Variants in LRRC37A2 observed in about 807,000 individuals in gnomAD.
The protein encoded by LRRC37A2 is leucine rich repeat containing 37 member A2.
In LRRC37A2, 9 loss-of-function variants were observed where a neutral mutation model predicts 68.8. The observed-to-expected ratio is 0.13, with a 90% CI of 0.08 to 0.23. LRRC37A2 has a LOEUF of 0.23. Among genes scored for constraint, LRRC37A2 ranks in the 10% least tolerant of loss-of-function variants. The probability of loss-of-function intolerance (pLI) is 1.00; values close to 1 mark genes in which losing one functional copy is unlikely to be tolerated. For synonymous variants in LRRC37A2, 63 were observed against 367.6 expected (o/e 0.17, Z 9.48); for missense variants, 168 against 950.4 (o/e 0.18, Z 10.82).
At chr17:47,026,559 TATG>T in the LRRC37A2 span, among the ~76,000 whole-genome samples, 1 of 152,140 alleles carries the variant, frequency 6.6e-6, no homozygotes, top group Non-Finnish European at 1.5e-5. Context: ...GGAGAGTTTA[TATG>T]ATGACTGTGT....
At chr17:46,999,095 C>T in the LRRC37A2 span, among the ~76,000 whole-genome samples, 3 of 152,192 alleles carry the variant, frequency 2.0e-5, no homozygotes, top group Non-Finnish European at 1.5e-5. Flanking sequence ...GCTACCAACA[C>T]CAACGAGTTC....
chr17:46,895,016 G>A, the LRRC37A2 span, among the ~76,000 whole-genome samples: 2 of 152,216 alleles, frequency 1.3e-5, no homozygotes, highest in African/African-American at 2.4e-5. Context: ...CTGGAGAGCC[G>A]GCCGGATCTC....
chr17:46,829,697 C>T, the LRRC37A2 span, among the ~76,000 whole-genome samples: 1 of 151,798 alleles, frequency 6.6e-6, no homozygotes, highest in Non-Finnish European at 1.5e-5. Context: ...CTCACTCTTT[C>T]ACCTGAGGGG....
At chr17:46,781,782 T>C in the LRRC37A2 span, among the ~76,000 whole-genome samples, 127,635 of 151,740 alleles carry the variant, frequency 0.84, 53,984 homozygotes, top group East Asian at 1. Context: ...CAACTTCGCA[T>C]CTAGAGCCCC....
At chr17:46,529,202 A>G (rs1388838587) in intron 6 of LRRC37A2, among the ~76,000 whole-genome samples, 1 of 131,946 alleles carries the variant, frequency 7.6e-6, no homozygotes, top group Admixed American at 8.0e-5. Context: ...GAGGGAAAAA[A>G]AAGAACAAGC....
At chr17:46,865,302 G>A in the LRRC37A2 span, among the ~76,000 whole-genome samples, 2 of 152,232 alleles carry the variant, frequency 1.3e-5, no homozygotes, top group African/African-American at 4.8e-5. Flanking sequence ...TCTCCCTGAT[G>A]CCATCCCCTG....
the LRRC37A2 span, among the ~76,000 whole-genome samples, chr17:46,765,790 C>G: frequency 6.6e-6 from 1 of 152,234 alleles, no homozygotes; most frequent in Non-Finnish European, 1.5e-5. Context: ...CTGGGCCAGG[C>G]CCTTCATGTG....
the LRRC37A2 span, among the ~76,000 whole-genome samples, chr17:46,784,365 G>A: frequency 3.3e-5 from 5 of 152,200 alleles, no homozygotes; most frequent in African/African-American, 1.2e-4. Flanking sequence ...ACAGAGCTGG[G>A]CCCAAGAGAG....
chr17:46,625,879 TAAAAAAAAAAA>T, the LRRC37A2 span, among the ~76,000 whole-genome samples: 8 of 59,034 alleles, frequency 1.4e-4, no homozygotes, highest in African/African-American at 5.2e-4. Context: ...CCACATGTAT[TAAAAAAAAAAA>T]AAAAAAAAAA....
At chr17:46,382,534 A>ATG in the LRRC37A2 span, among the ~76,000 whole-genome samples, 1 of 43,766 alleles carries the variant, frequency 2.3e-5, no homozygotes, top group African/African-American at 8.2e-5. Flanking sequence ...GGCTAATTAA[A>ATG]AAAAAGTTTT....
At chr17:46,947,083 G>A in the LRRC37A2 span, among the ~76,000 whole-genome samples, 1 of 152,146 alleles carries the variant, frequency 6.6e-6, no homozygotes, top group Non-Finnish European at 1.5e-5. Context: ...GAAAGAGTAG[G>A]GACGTATTAG....
At chr17:46,722,034 T>C in the LRRC37A2 span, 1 of 1,608,260 alleles carries the variant, frequency 6.2e-7, no homozygotes, top group Non-Finnish European at 8.5e-7. Flanking sequence ...GCTGCCGTAA[T>C]ATTCAGCTCC....
At chr17:46,867,630 C>T in the LRRC37A2 span, among the ~76,000 whole-genome samples, 10 of 152,320 alleles carry the variant, frequency 6.6e-5, no homozygotes, top group African/African-American at 2.4e-4. Flanking sequence ...TTGCCAAAAC[C>T]TGGGAGAGCC....
chr17:46,973,239 TTATC>T, the LRRC37A2 span: 1 of 153,538 alleles, frequency 6.5e-6, no homozygotes, highest in South Asian at 2.1e-4. Flanking sequence ...CTTGAGCCCA[TTATC>T]TAACCACACA....
At chr17:46,873,086 TCACACACACACACACACACACACACA>T in the LRRC37A2 span, among the ~76,000 whole-genome samples, 4 of 139,820 alleles carry the variant, frequency 2.9e-5, no homozygotes, top group East Asian at 2.2e-4. Context: ...CTCTGCCTCT[TCACACACACACACACACACACACACA>T]CACACACACA....
At chr17:46,860,790 C>A in the LRRC37A2 span, among the ~76,000 whole-genome samples, 2 of 152,244 alleles carry the variant, frequency 1.3e-5, no homozygotes, top group East Asian at 3.8e-4. Context: ...ATGTGCATTA[C>A]TTCACCTCAC....
At chr17:46,403,700 G>A in the LRRC37A2 span, among the ~76,000 whole-genome samples, 1 of 98,636 alleles carries the variant, frequency 1.0e-5, no homozygotes, top group African/African-American at 3.4e-5. Flanking sequence ...CTTTGTTCTG[G>A]AATTTTTTTT....
chr17:46,907,848 C>G, the LRRC37A2 span, among the ~76,000 whole-genome samples: 1 of 151,174 alleles, frequency 6.6e-6, no homozygotes, highest in East Asian at 1.9e-4. Context: ...AGAGTGAGAC[C>G]CTGTCTTAAA....
chr17:47,019,446 G>A, the LRRC37A2 span: 6 of 1,610,316 alleles, frequency 3.7e-6, no homozygotes, highest in Non-Finnish European at 5.1e-6. Flanking sequence ...TCCAGACCTA[G>A]GGCTTGCCAT....
Sources: gnomAD v4.1 joint callset for allele counts (sites outside exome capture counted in the v4.1 genomes callset) on GRCh38, gnomAD v4.1.1 for gene constraint, MANE v1.5 for transcripts, NCBI Gene and HGNC (gene_info 2026-07-23, HGNC 2026-07-21) for gene names.